Variants in SCFD2 observed in about 807,000 individuals in gnomAD.
The protein encoded by SCFD2 is sec1 family domain containing 2.
A neutral mutation model predicts 58.9 loss-of-function variants in SCFD2; 54 were observed. That is an observed-to-expected ratio of 0.92 (90% CI 0.74 to 1.15). SCFD2 has a LOEUF of 1.15. Among genes scored for constraint, SCFD2 ranks in the 50% most tolerant of loss-of-function variants. SCFD2 has a pLI of 0.00. For missense variants in SCFD2, 805 were observed against 836.6 expected (o/e 0.96, Z 0.47); for synonymous variants, 321 against 335.9 (o/e 0.96, Z 0.49).
At chr4:53,311,016 C>T (rs962678486) in intron 3 of SCFD2, among the ~76,000 whole-genome samples, 9 of 152,076 alleles carry the variant, frequency 5.9e-5, no homozygotes, top group African/African-American at 2.2e-4. Flanking sequence ...GTTTTAAATG[C>T]TATATGATAA....
intron 5 of SCFD2, among the ~76,000 whole-genome samples, chr4:52,936,365 C>T (rs1222973451): frequency 6.6e-6 from 1 of 152,148 alleles, no homozygotes; most frequent in Non-Finnish European, 1.5e-5. Flanking sequence ...ATGCAGTCTT[C>T]AGGATTTCCA....
chr4:53,273,864 A>T lies in SCFD2; in HGVS notation c.1273T>A (p.Trp425Arg). The T allele has an allele frequency of 6.2e-7, 1 of 1,613,706 alleles. No individual in the cohort carries two copies. The highest frequency in any genetic ancestry group is 8.5e-7 in the Non-Finnish European group (1 of 1,179,802). Residue 425 changes from tryptophan (W) to arginine (R), a missense_variant, in exon 4 of 9, where the codon TGG becomes AGG. Coordinates refer to ENST00000401642, the MANE Select transcript of SCFD2 (RefSeq NM_152540.4). The stretch of plus-strand genomic sequence containing the variant: ...CTTTCAAAAGCCAGAAAGTTGTCCC[A>T]CTTGGCAGTCTGTGGGTGTTTCAAC... ...QTLKHPQTAK[W>R]DNFLAFERLL...
chr4:53,118,721 G>A (rs2148890208), intron 5 of SCFD2, among the ~76,000 whole-genome samples: 1 of 152,232 alleles, frequency 6.6e-6, no homozygotes, highest in South Asian at 2.1e-4. Flanking sequence ...AACTTGCCAA[G>A]GTCACAGACA....
At chr4:53,056,950 G>C (rs1478269078) in intron 5 of SCFD2, among the ~76,000 whole-genome samples, 1 of 152,162 alleles carries the variant, frequency 6.6e-6, no homozygotes, top group African/African-American at 2.4e-5. Flanking sequence ...TTGGGAAGCC[G>C]AGGTGGCGGA....
chr4:53,267,324 C>T (rs1227158128), intron 4 of SCFD2, among the ~76,000 whole-genome samples: 1 of 152,070 alleles, frequency 6.6e-6, no homozygotes, highest in African/African-American at 2.4e-5. Context: ...CAAACCAAAG[C>T]CTGTAAAAGG....
Position 52,959,220 on chromosome 4 carries a change from G to A in SCFD2, c.1562-38350C>T, listed in dbSNP as rs141930832. Among the ~76,000 whole-genome samples, 73 of 152,244 alleles carry A rather than the reference G, an allele frequency of 4.8e-4. 1 individual carries two copies. The highest frequency in any genetic ancestry group is 9.1e-4 in the Non-Finnish European group (62 of 68,010). ...TCGGTTCTAGTCTCAATCTGTAATGGCTGTGTGATGTTCAACAGGTCACTG... is the reference window on the plus strand; with the variant it reads ...TCGGTTCTAGTCTCAATCTGTAATGACTGTGTGATGTTCAACAGGTCACTG... On this transcript the variant is annotated intron_variant, in intron 5 of 8. Transcript: ENST00000401642.
At chr4:52,899,364 G>A (rs923024662) in intron 7 of SCFD2, among the ~76,000 whole-genome samples, 1 of 152,148 alleles carries the variant, frequency 6.6e-6, no homozygotes, top group Non-Finnish European at 1.5e-5. Context: ...AAATCTCTCA[G>A]CATTTGTTTG....
intron 7 of SCFD2, among the ~76,000 whole-genome samples, chr4:52,906,201 C>T (rs548497172): frequency 1.3e-5 from 2 of 152,208 alleles, no homozygotes; most frequent in Non-Finnish European, 2.9e-5. Flanking sequence ...GGTCTGACTG[C>T]ACCACAGACA....
At chr4:53,207,311 T>TAAA (rs755241030) in intron 4 of SCFD2, among the ~76,000 whole-genome samples, 1 of 109,758 alleles carries the variant, frequency 9.1e-6, no homozygotes, top group Non-Finnish European at 1.9e-5. Flanking sequence ...ACATTTTTGC[T>TAAA]AAAAAAAAAA....
At chr4:53,163,057 A>G (rs1726901992) in intron 4 of SCFD2, among the ~76,000 whole-genome samples, 1 of 152,126 alleles carries the variant, frequency 6.6e-6, no homozygotes, top group Non-Finnish European at 1.5e-5. Flanking sequence ...ACAAAGCACC[A>G]TTCCTCACAT....
chr4:53,254,817 T>G (rs1427147189), intron 4 of SCFD2, among the ~76,000 whole-genome samples: 2 of 65,474 alleles, frequency 3.1e-5, no homozygotes, highest in African/African-American at 1.6e-4. Flanking sequence ...TTTATTTTAT[T>G]TTATTTTATT....
At chr4:53,192,043 T>C (rs933280814) in intron 4 of SCFD2, among the ~76,000 whole-genome samples, 4 of 152,196 alleles carry the variant, frequency 2.6e-5, no homozygotes, top group African/African-American at 9.7e-5. Context: ...AATGTTTTGT[T>C]TAGCAAAAAG....
intron 6 of SCFD2, among the ~76,000 whole-genome samples, chr4:52,918,618 C>T (rs1719662929): frequency 6.6e-6 from 1 of 152,160 alleles, no homozygotes; most frequent in African/African-American, 2.4e-5. Flanking sequence ...CCTACCCATC[C>T]ACCATAAGGT....
At position 53,365,834 on chromosome 4, in the gene SCFD2, C is replaced by T; in HGVS notation, c.108G>A (p.Leu36=). 6.2e-7 allele frequency: 1 copy of T among 1,613,846 alleles called. No homozygotes were observed. The highest frequency in any genetic ancestry group is 8.5e-7 in the Non-Finnish European group (1 of 1,179,994). ...VYLDAACAES[L]HWGCGSTRLL... ...GACGGGTGGATCCGCAGCCCCAGTG[C>T]AGGCTCTCGGCGCAGGCGGCGTCCA... is the stretch of plus-strand genomic sequence containing the variant. Residue 36 remains leucine (L), a synonymous_variant, in exon 1 of 9, where the codon CTG becomes CTA. Coordinates refer to ENST00000401642, the MANE Select transcript of SCFD2 (RefSeq NM_152540.4). This position sits in a 1 kb window ranked among gnomAD's most constrained non-coding sequence, Gnocchi z 4.3.
Position 53,331,475 on chromosome 4 carries a change from A to C in SCFD2, c.1008-17712T>G, listed in dbSNP as rs549432006. Reference sequence around the variant, plus strand: ...AACCGCTCAACTACATGGAAACTGAATAACCTGCTCCTGAATGACTACTGG... The same window carrying C: ...AACCGCTCAACTACATGGAAACTGACTAACCTGCTCCTGAATGACTACTGG... On this transcript the variant is annotated intron_variant, in intron 2 of 8. Transcript: ENST00000401642. Among the ~76,000 whole-genome samples the C allele has an allele frequency of 4.6e-5, 7 of 152,362 alleles. No homozygotes were observed. The South Asian group carries it at 1.5e-3, about 32-fold the overall frequency.
intron 4 of SCFD2, among the ~76,000 whole-genome samples, chr4:53,164,614 C>A (rs1726949824): frequency 6.6e-6 from 1 of 151,940 alleles, no homozygotes; most frequent in African/African-American, 2.4e-5. Flanking sequence ...GCCAACATGG[C>A]AAAACCCCGT....
chr4:53,169,314 A>G (rs1402563555), intron 4 of SCFD2, among the ~76,000 whole-genome samples: 1 of 152,218 alleles, frequency 6.6e-6, no homozygotes, highest in Non-Finnish European at 1.5e-5. Context: ...GTGAGCCGAG[A>G]TGGCACCACT....
rs199536786 is a variant in SCFD2, at chr4:53,210,621, TTA to T, written c.1311+63203_1311+63204del. On this transcript the variant is annotated intron_variant, in intron 4 of 8. Transcript: ENST00000401642. ...ATTTCTGTTCTGAAAAACATATTAT[TTA>T]TGTTATCATATATATTTATTTCTAT... 8.3e-3 allele frequency among the ~76,000 whole-genome samples: 1,261 copies of T among 152,208 alleles called. 24 individuals are homozygous for T. The highest frequency in any genetic ancestry group is 0.029 in the African/African-American group (1,187 of 41,490).
intron 5 of SCFD2, among the ~76,000 whole-genome samples, chr4:53,065,935 T>C (rs1723651635): frequency 1.3e-5 from 2 of 152,118 alleles, no homozygotes; most frequent in Admixed American, 1.3e-4. Context: ...CACATGCTTT[T>C]CATCCATTTT....
Sources: gnomAD v4.1 joint callset for allele counts (sites outside exome capture counted in the v4.1 genomes callset) on GRCh38, gnomAD v4.1.1 for gene constraint, Gnocchi (gnomAD v3.1) non-coding constraint, MANE v1.5 for transcripts, NCBI Gene and HGNC (gene_info 2026-07-23, HGNC 2026-07-21) for gene names.